The following KCNAB3 variants were observed in gnomAD, a reference collection of about 807,000 sequenced individuals.
The protein encoded by KCNAB3 is potassium voltage-gated channel subfamily A regulatory beta subunit 3, also known as voltage-gated potassium channel subunit beta-3.
A neutral mutation model predicts 67.7 loss-of-function variants in KCNAB3; 62 were observed. That is an observed-to-expected ratio of 0.92 (90% CI 0.75 to 1.13). The LOEUF is 1.13. KCNAB3 is among the 50% of genes most tolerant of loss of function. The probability of loss-of-function intolerance (pLI) is 0.00; values close to 1 mark genes in which losing one functional copy is unlikely to be tolerated. For missense variants in KCNAB3, 514 were observed against 522.9 expected, an observed-to-expected ratio of 0.98 and a Z score of 0.17; for synonymous variants, 212 against 205.4, an observed-to-expected ratio of 1.03 and a Z score of -0.27.
chr17:7,929,266 A>T lies in KCNAB3; in HGVS notation c.170T>A (p.Leu57Gln), dbSNP rs1187114823. The T allele has an allele frequency of 6.2e-7, 1 of 1,605,162 alleles. No homozygotes were observed. The highest frequency in any genetic ancestry group is 2.2e-5 in the East Asian group (1 of 44,498). ...GGSGPKARAALVPRPPAPAGA... is the reference protein window; with the variant it reads ...GGSGPKARAAQVPRPPAPAGA... ...AGCGGGCGCTGGGGGTCGGGGAACC[A>T]GTGCAGCTCGGGCCTTGGGGCCAGA... is the stretch of plus-strand genomic sequence containing the variant. The change falls in exon 1 of 14, where the codon CTG (leucine) becomes CAG (glutamine). Residue 57 changes from leucine to glutamine, a missense_variant. By Grantham distance (113) the Leu-to-Gln change is moderately radical (BLOSUM62 -2). Transcript: ENST00000303790. The surrounding 1 kb of genome is among the most constrained non-coding windows in gnomAD (Gnocchi z 5.7).
At position 7,927,645 on chromosome 17, in the gene KCNAB3, G is replaced by T. The variant is rs371868860; in HGVS notation, c.324+12C>A. ...CCCCCACCACCCTGATTCTAGGTCC[G>T]ATAACTTATACCTCATCTGAGATCT... On this transcript the variant is annotated intron_variant, in intron 3 of 13. Transcript: ENST00000303790. 6.2e-7 allele frequency: 1 copy of T among 1,613,830 alleles called. No homozygotes were observed. Among genetic ancestry groups the T allele is most frequent in the African/African-American group, 1.3e-5 (1 of 74,860 alleles).
chr17:7,923,296 C>A, intron 13 of KCNAB3, 117 bp from the exon 14 acceptor site: 1 of 1,275,114 alleles, frequency 7.8e-7, no homozygotes, highest in Non-Finnish European at 1.1e-6. Flanking sequence ...GCAAGAGCCG[C>A]AGCTGTGCCG....
At chr17:7,927,516 T>C in intron 3 of KCNAB3, 93 bp from the exon 4 acceptor site, 1 of 1,509,438 alleles carries the variant, frequency 6.6e-7, no homozygotes, top group East Asian at 2.3e-5. Context: ...CTGGGTTCTC[T>C]AGTCTCTCCC....
At chr17:7,927,504 C>G in intron 3 of KCNAB3, 81 bp from the exon 4 acceptor site, 1 of 1,522,544 alleles carries the variant, frequency 6.6e-7, no homozygotes, top group Non-Finnish European at 9.1e-7. Context: ...CACATCTCAG[C>G]CCTGGGTTCT....
rs760781932 is a variant in KCNAB3, at chr17:7,929,249, C to CT, written c.186dup (p.Ala63SerfsTer46). Reference sequence around the variant, plus strand: ...CTCTCTCGGAGGGCCCCAGCGGGCGCTGGGGGTCGGGGAACCAGTGCAGCT... The same window carrying CT: ...CTCTCTCGGAGGGCCCCAGCGGGCGCTTGGGGGTCGGGGAACCAGTGCAGCT... On this transcript the variant is annotated frameshift_variant, in exon 1 of 14. Coordinates refer to ENST00000303790, the MANE Select transcript of KCNAB3 (RefSeq NM_004732.4). LOFTEE classifies it high-confidence loss of function. The surrounding 1 kb of genome is among the most constrained non-coding windows in gnomAD (Gnocchi z 5.7). 1 of 1,609,148 alleles carries CT rather than the reference C, an allele frequency of 6.2e-7. No homozygotes were observed. The highest frequency in any genetic ancestry group is 1.3e-5 in the African/African-American group (1 of 74,900).
At chr17:7,928,987 C>T (rs527744767) in intron 1 of KCNAB3, 4 of 795,718 alleles carry the variant, frequency 5.0e-6, no homozygotes, top group East Asian at 2.8e-5. Context: ...ACCCAGTCAA[C>T]CTTGGTAAAC....
chr17:7,927,021 C>G, intron 4 of KCNAB3: 1 of 320,784 alleles, frequency 3.1e-6, no homozygotes, highest in Non-Finnish European at 6.0e-6. Flanking sequence ...CAGGGTAGGT[C>G]ATCCTAGGTT....
chr17:7,929,657 G>T lies in KCNAB3; in HGVS notation c.-222C>A, dbSNP rs1406615566. On this transcript the variant is annotated 5_prime_UTR_variant, in exon 1 of 14. Transcript: ENST00000303790. The surrounding 1 kb of genome is among the most constrained non-coding windows in gnomAD (Gnocchi z 5.7). Reference sequence around the variant, plus strand: ...AGGGAAGAAACGTGGGGGGCGCCAGGAGTGGAGATATTCAGTTACGGGGGA... The same window carrying T: ...AGGGAAGAAACGTGGGGGGCGCCAGTAGTGGAGATATTCAGTTACGGGGGA... 2.1e-6 allele frequency: 3 copies of T among 1,421,434 alleles called. No individual in the cohort carries two copies. Among genetic ancestry groups the T allele is most frequent in the Non-Finnish European group, 2.7e-6 (3 of 1,094,600 alleles). The allele number at this position is 1,421,434 out of a possible 1,614,324, so 88.1% of individuals were successfully genotyped here.
chr17:7,923,687 C>T (rs1261976460), intron 12 of KCNAB3, 24 bp downstream of exon 12: 4 of 1,554,364 alleles, frequency 2.6e-6, no homozygotes, highest in Non-Finnish European at 2.6e-6. Flanking sequence ...GGAGACAGGG[C>T]CCCTGCAGGG....
chr17:7,923,076 G>C lies in KCNAB3; in HGVS notation c.*26C>G, dbSNP rs375280063. Reference sequence around the variant, plus strand: ...GGCTCGGGCGGGTGCAGCGACACCGGGTTGGGTCCCTGCGCCCGCGACAGA... The same window carrying C: ...GGCTCGGGCGGGTGCAGCGACACCGCGTTGGGTCCCTGCGCCCGCGACAGA... On this transcript the variant is annotated 3_prime_UTR_variant, in exon 14 of 14. Coordinates refer to ENST00000303790, the MANE Select transcript of KCNAB3 (RefSeq NM_004732.4). The C allele has an allele frequency of 2.5e-6, 4 of 1,608,764 alleles. No homozygotes were observed. In the African/African-American group the frequency reaches 5.3e-5, roughly 22 times the overall value.
chr17:7,927,629 C>T (rs1257890726), intron 3 of KCNAB3, 28 bp downstream of exon 3: 15 of 1,613,832 alleles, frequency 9.3e-6, no homozygotes, highest in Non-Finnish European at 1.2e-5. Flanking sequence ...ACCCCCACCA[C>T]CCTGATTCTA....
chr17:7,927,351 C>T lies in KCNAB3; in HGVS notation c.397G>A (p.Ala133Thr), dbSNP rs1181788415. ...NLFDTAEVYAAGKAERTLGNI... is the reference protein window; with the variant it reads ...NLFDTAEVYATGKAERTLGNI... ...TTTCACCCCAGTCCTTACTTTCCTG[C>T]TGCGTACACTTCGGCGGTGTCAAAC... Residue 133 changes from alanine (A) to threonine (T), a missense_variant, in exon 4 of 14, where the codon GCA becomes ACA. Ala to Thr is a moderately conservative substitution (Grantham distance 58). Transcript: ENST00000303790. 2.5e-6 allele frequency: 4 copies of T among 1,613,798 alleles called. No individual in the cohort carries two copies. Among genetic ancestry groups the T allele is most frequent in the Non-Finnish European group, 2.5e-6 (3 of 1,179,952 alleles).
Position 7,922,821 on chromosome 17 carries a change from G to T in KCNAB3, c.*281C>A. The T allele has an allele frequency of 1.9e-6, 1 of 524,576 alleles. No individual in the cohort carries two copies. The highest frequency in any genetic ancestry group is 3.5e-6 in the Non-Finnish European group (1 of 288,786). The allele number at this position is 524,576 out of a possible 1,614,324, so 32.5% of individuals were successfully genotyped here. ...AGGAGAGTAGGGAGCGAGACGAAGT[G>T]GCAGAGAGCCGACGGCGAGTAGCTC... On this transcript the variant is annotated 3_prime_UTR_variant, in exon 14 of 14. Transcript: ENST00000303790.
Position 7,922,961 on chromosome 17 carries a change from G to T in KCNAB3, c.*141C>A. ...GCTTTGTTCATGCGTATCACTACTC[G>T]AAGCCGGGACTCGTTGGTGGGCGGG... is the stretch of plus-strand genomic sequence containing the variant. On this transcript the variant is annotated 3_prime_UTR_variant, in exon 14 of 14. Coordinates refer to ENST00000303790, the MANE Select transcript of KCNAB3 (RefSeq NM_004732.4). The T allele has an allele frequency of 1.3e-6, 1 of 756,594 alleles. No homozygotes were observed. The highest frequency in any genetic ancestry group is 2.5e-5 in the East Asian group (1 of 39,518). 46.9% of individuals were successfully genotyped at this position (756,594 alleles called of 1,614,324 possible).
In KCNAB3 at chr17:7,929,322, C is replaced by A; in HGVS notation, c.114G>T (p.Gly38=). 2 of 1,552,992 alleles carry A rather than the reference C, an allele frequency of 1.3e-6. No individual in the cohort carries two copies. The highest frequency in any genetic ancestry group is 1.7e-6 in the Non-Finnish European group (2 of 1,148,876). ...PGGGNGGPAG[G]GHGNPPGGGG... ...CACCCCCCGGAGGATTCCCGTGCCCCCCGCCGGCCGGCCCACCATTACCGC... is the reference window on the plus strand; with the variant it reads ...CACCCCCCGGAGGATTCCCGTGCCCACCGCCGGCCGGCCCACCATTACCGC... The change falls in exon 1 of 14, where the codon GGG becomes GGT. Residue 38 remains glycine, a synonymous_variant. Coordinates refer to ENST00000303790, the MANE Select transcript of KCNAB3 (RefSeq NM_004732.4). The surrounding 1 kb of genome is among the most constrained non-coding windows in gnomAD (Gnocchi z 5.7).
chr17:7,925,971 A>G lies in KCNAB3; in HGVS notation c.454T>C (p.Ser152Pro), dbSNP rs978572084. 11 of 1,613,186 alleles carry G rather than the reference A, an allele frequency of 6.8e-6. No individual in the cohort carries two copies. The highest frequency in any genetic ancestry group is 6.7e-5 in the East Asian group (3 of 44,828). Residue 152 changes from serine to proline, a missense_variant, in exon 6 of 14, where the codon TCA (serine) becomes CCA (proline). Coordinates refer to ENST00000303790, the MANE Select transcript of KCNAB3 (RefSeq NM_004732.4). ...NILKSKGWRR[S>P]SYVITTKIFW... ...ATCTTGGTAGTGATGACATAGCTTGATCTCCTGGAAGAATAGAAATGGGAG... is the reference window on the plus strand; with the variant it reads ...ATCTTGGTAGTGATGACATAGCTTGGTCTCCTGGAAGAATAGAAATGGGAG...
At position 7,923,137 on chromosome 17, in the gene KCNAB3, C is replaced by T. The variant is rs373329473; in HGVS notation, c.1180G>A (p.Gly394Arg). The T allele has an allele frequency of 3.4e-5, 55 of 1,614,164 alleles. 1 individual carries two copies. In the African/African-American group the frequency reaches 3.5e-4, roughly 10 times the overall value. The stretch of plus-strand genomic sequence containing the variant: ...GAATGCGGCTTGTTTCCCAGGAGCC[C>T]GTCTATTTCCATCACTGTCTGCGGG... ...LTPQTVMEID[G>R]LLGNKPHSKK Residue 394 changes from glycine to arginine, a missense_variant, in exon 14 of 14, where the codon GGG (glycine) becomes AGG (arginine). Gly to Arg is a moderately radical substitution (Grantham distance 125). Coordinates refer to ENST00000303790, the MANE Select transcript of KCNAB3 (RefSeq NM_004732.4).
In KCNAB3 at chr17:7,929,839, C is replaced by G; in HGVS notation, c.-404G>C. On this transcript the variant is annotated 5_prime_UTR_variant, in exon 1 of 14. Coordinates refer to ENST00000303790, the MANE Select transcript of KCNAB3 (RefSeq NM_004732.4). This position sits in a 1 kb window ranked among gnomAD's most constrained non-coding sequence, Gnocchi z 5.7. ...GGACCCGCTGGGCTCCCAGCCGCGT[C>G]GGCAGCGGGCCCAGCTCATCAGCAT... 4 of 1,073,608 alleles carry G rather than the reference C, an allele frequency of 3.7e-6. No homozygotes were observed. Among genetic ancestry groups the G allele is most frequent in the Non-Finnish European group, 4.5e-6 (4 of 884,620 alleles). The allele number at this position is 1,073,608 out of a possible 1,614,324, so 66.5% of individuals were successfully genotyped here.
chr17:7,929,411 C>G lies in KCNAB3; in HGVS notation c.25G>C (p.Glu9Gln). The part of the protein sequence containing the change: MQVSIACT[E>Q]QNLRSRSSED... The stretch of plus-strand genomic sequence containing the variant: ...CTGCTCCGGCTGCGAAGGTTCTGCT[C>G]GGTACACGCGATAGACACCTGCATG... The change falls in exon 1 of 14, where the codon GAG becomes CAG. Residue 9 changes from glutamate to glutamine, a missense_variant. Physicochemically the swap from Glu to Gln is conservative, Grantham distance 29. Transcript: ENST00000303790. This position sits in a 1 kb window ranked among gnomAD's most constrained non-coding sequence, Gnocchi z 5.7. 1 of 1,546,968 alleles carries G rather than the reference C, an allele frequency of 6.5e-7. No individual in the cohort carries two copies. Among genetic ancestry groups the G allele is most frequent in the Non-Finnish European group, 8.7e-7 (1 of 1,145,828 alleles).
Sources: gnomAD v4.1 joint callset for allele counts on GRCh38, gnomAD v4.1.1 for gene constraint, Gnocchi (gnomAD v3.1) non-coding constraint, MANE v1.5 for transcripts, NCBI Gene and HGNC (gene_info 2026-07-23, HGNC 2026-07-21) for gene names.